MARCHF1: variants seen among roughly 807,000 people sequenced by gnomAD.
MARCHF1 encodes membrane associated ring-CH-type finger 1.
In MARCHF1, 40 loss-of-function variants were observed where a neutral mutation model predicts 54.2. The ratio of observed to expected loss-of-function variants is 0.74; its 90% CI spans 0.57 to 0.96. The LOEUF (loss-of-function observed/expected upper bound fraction) is 0.96. Among genes scored for constraint, MARCHF1 ranks in the 40% least tolerant of loss-of-function variants. The probability of loss-of-function intolerance (pLI) is 0.00; values close to 1 mark genes in which losing one functional copy is unlikely to be tolerated. For missense variants in MARCHF1, 586 were observed against 656.5 expected (o/e 0.89, Z 1.17); for synonymous variants, 236 against 236.3 (o/e 1.00, Z 0.01).
At chr4:163,817,113 C>A (rs1012137035) in intron 4 of MARCHF1, among the ~76,000 whole-genome samples, 1 of 151,946 alleles carries the variant, frequency 6.6e-6, no homozygotes, top group Non-Finnish European at 1.5e-5. Flanking sequence ...TATCACATGC[C>A]AGGGTATTTT....
chr4:163,645,358 C>T (rs1742713814), intron 5 of MARCHF1, among the ~76,000 whole-genome samples: 1 of 152,094 alleles, frequency 6.6e-6, no homozygotes, highest in South Asian at 2.1e-4. Context: ...ACACCTGGAA[C>T]CTAATAGGAG....
intron 2 of MARCHF1, among the ~76,000 whole-genome samples, chr4:164,041,911 A>C (rs1754137535): frequency 6.6e-6 from 1 of 152,096 alleles, no homozygotes; most frequent in Non-Finnish European, 1.5e-5. Context: ...TACCATGAGT[A>C]TTTTAGGGGA....
chr4:164,264,711 G>A (rs1345490719), intron 1 of MARCHF1, among the ~76,000 whole-genome samples: 2 of 151,982 alleles, frequency 1.3e-5, no homozygotes, highest in African/African-American at 4.8e-5. Context: ...CCTAAGGTCA[G>A]GAGTCCGGGA....
intron 4 of MARCHF1, among the ~76,000 whole-genome samples, chr4:163,714,394 C>T (rs768968227): frequency 6.6e-6 from 1 of 152,240 alleles, no homozygotes; most frequent in East Asian, 1.9e-4. Context: ...CCTGGCCACT[C>T]ACTGTCCATA....
chr4:163,821,998 T>C (rs1748705532), intron 4 of MARCHF1, among the ~76,000 whole-genome samples: 1 of 151,918 alleles, frequency 6.6e-6, no homozygotes, highest in South Asian at 2.1e-4. Flanking sequence ...TATGAGACAG[T>C]GTAATAAGAC....
At chr4:163,698,036 G>C (rs528557503) in intron 5 of MARCHF1, among the ~76,000 whole-genome samples, 160 of 152,266 alleles carry the variant, frequency 1.1e-3, no homozygotes, top group African/African-American at 3.5e-3. Context: ...GCCAAACACT[G>C]TTCTAAGCAC....
intron 2 of MARCHF1, among the ~76,000 whole-genome samples, chr4:164,035,633 C>A (rs368549613): frequency 5.8e-4 from 84 of 144,222 alleles, no homozygotes; most frequent in Middle Eastern, 3.6e-3. Flanking sequence ...ATAAAGAATA[C>A]AAAAAAAAAA....
At chr4:163,935,294 T>C (rs1044185389) in intron 3 of MARCHF1, among the ~76,000 whole-genome samples, 10 of 152,224 alleles carry the variant, frequency 6.6e-5, no homozygotes, top group African/African-American at 2.4e-4. Context: ...AAGTCGGGCA[T>C]TGACTTATCT....
intron 3 of MARCHF1, among the ~76,000 whole-genome samples, chr4:163,985,844 A>G (rs1175900636): frequency 2.0e-5 from 3 of 152,330 alleles, no homozygotes; most frequent in Non-Finnish European, 2.9e-5. Flanking sequence ...GGAAACTTCA[A>G]GAAAGGATGT....
intron 2 of MARCHF1, among the ~76,000 whole-genome samples, chr4:164,003,677 C>T (rs1753229121): frequency 6.6e-6 from 1 of 152,060 alleles, no homozygotes; most frequent in Non-Finnish European, 1.5e-5. Flanking sequence ...AACACTTTTA[C>T]ACTGCTAGTA....
At position 163,887,393 on chromosome 4, in the gene MARCHF1, C is replaced by T. The variant is rs1182315864; in HGVS notation, c.-38-33224G>A. Among the ~76,000 whole-genome samples the T allele has an allele frequency of 2.0e-5, 3 of 151,968 alleles. No homozygotes were observed. In the East Asian group the frequency reaches 5.8e-4, roughly 29 times the overall value. On this transcript the variant is annotated intron_variant, in intron 3 of 9. Coordinates refer to ENST00000514618, the MANE Select transcript of MARCHF1 (RefSeq NM_001394959.1). Reference sequence around the variant, plus strand: ...TACTAGAGTAAATGTCCTGAACTGGCAAAGAATTTTGTTTCTAAAGAAAAG... The same window carrying T: ...TACTAGAGTAAATGTCCTGAACTGGTAAAGAATTTTGTTTCTAAAGAAAAG...
At chr4:163,968,800 A>T (rs1045050941) in intron 3 of MARCHF1, among the ~76,000 whole-genome samples, 1 of 152,140 alleles carries the variant, frequency 6.6e-6, no homozygotes, top group African/African-American at 2.4e-5. Flanking sequence ...TCTGAAGTGC[A>T]ATACGCCCTG....
chr4:163,529,102 C>CT, intron 9 of MARCHF1, 56 bp from the exon 10 acceptor site: 2 of 1,368,534 alleles, frequency 1.5e-6, no homozygotes, highest in Non-Finnish European at 9.9e-7. Flanking sequence ...TGGATTTGGT[C>CT]ATTTTTTTTT....
intron 5 of MARCHF1, among the ~76,000 whole-genome samples, chr4:163,652,277 T>A (rs945738982): frequency 6.6e-6 from 1 of 151,848 alleles, no homozygotes; most frequent in East Asian, 1.9e-4. Flanking sequence ...ACTAAAACAC[T>A]TCTATAGCTC....
intron 3 of MARCHF1, among the ~76,000 whole-genome samples, chr4:163,950,433 G>C (rs748418794): frequency 1.1e-4 from 16 of 152,346 alleles, no homozygotes; most frequent in Non-Finnish European, 2.4e-4. Context: ...AGAATGGGGA[G>C]AGGCCAGGCA....
intron 5 of MARCHF1, among the ~76,000 whole-genome samples, chr4:163,678,198 G>A (rs1743980872): frequency 6.6e-6 from 1 of 152,118 alleles, no homozygotes; most frequent in African/African-American, 2.4e-5. Context: ...TTCAGGTCAG[G>A]AAAACACTTG....
chr4:163,831,340 T>C (rs1342896560), intron 4 of MARCHF1, among the ~76,000 whole-genome samples: 1 of 152,092 alleles, frequency 6.6e-6, no homozygotes, highest in African/African-American at 2.4e-5. Context: ...TCCCAGCACT[T>C]TGGGAAATGG....
chr4:163,912,676 CTT>C (rs1751220134), intron 3 of MARCHF1, among the ~76,000 whole-genome samples: 1 of 152,102 alleles, frequency 6.6e-6, no homozygotes, highest in Non-Finnish European at 1.5e-5. Context: ...ATTTCTTCTT[CTT>C]GTTTGTGATA....
intron 2 of MARCHF1, among the ~76,000 whole-genome samples, chr4:164,079,185 A>G (rs966200169): frequency 2.0e-5 from 3 of 152,116 alleles, no homozygotes; most frequent in Non-Finnish European, 2.9e-5. Flanking sequence ...ATTTTATACT[A>G]TGGTATTAGC....
Sources: gnomAD v4.1 joint callset for allele counts (sites outside exome capture counted in the v4.1 genomes callset) on GRCh38, gnomAD v4.1.1 for gene constraint, MANE v1.5 for transcripts, NCBI Gene and HGNC (gene_info 2026-07-23, HGNC 2026-07-21) for gene names.